MDFIC2: variants seen among roughly 807,000 people sequenced by gnomAD.
MDFIC2 encodes MyoD family inhibitor domain containing 2.
chr3:70,255,621 C>G lies in MDFIC2; in HGVS notation c.89-48831G>C, dbSNP rs554991855. 5.9e-5 allele frequency among the ~76,000 whole-genome samples: 9 copies of G among 152,212 alleles called. No homozygotes were observed. In the South Asian group the frequency reaches 1.9e-3, roughly 32 times the overall value. Reference sequence around the variant, plus strand: ...GGACTGCAGGCATGCACCACCAAGCCTGGCTATTTTTTTTTCCTGTGGAGG... The same window carrying G: ...GGACTGCAGGCATGCACCACCAAGCGTGGCTATTTTTTTTTCCTGTGGAGG... On this transcript the variant is annotated intron_variant, in intron 2 of 3. Transcript: ENST00000567252.
At chr3:70,226,475 C>A (rs932710003) in intron 2 of MDFIC2, among the ~76,000 whole-genome samples, 1 of 152,128 alleles carries the variant, frequency 6.6e-6, no homozygotes, top group African/African-American at 2.4e-5. Context: ...CAGTGGCTCA[C>A]GCCTGTAATC....
chr3:70,312,068 G>C, intron 1 of MDFIC2, 95 bp from the exon 2 acceptor site: 1 of 392,526 alleles, frequency 2.5e-6, no homozygotes, highest in Non-Finnish European at 4.5e-6. Context: ...CCATATTATG[G>C]GAAAATTTTA....
chr3:70,219,911 T>A, intron 2 of MDFIC2, among the ~76,000 whole-genome samples: 1 of 152,154 alleles, frequency 6.6e-6, no homozygotes, highest in East Asian at 1.9e-4. Context: ...ATAAGCGTTG[T>A]TCAAAGATGG....
rs1197844615 is a variant in MDFIC2 at position 70,264,205 on chromosome 3, G to A, written c.88+47681C>T. 2.0e-5 allele frequency among the ~76,000 whole-genome samples: 3 copies of A among 152,018 alleles called. No homozygotes were observed. The East Asian group carries it at 5.8e-4, about 29-fold the overall frequency. On this transcript the variant is annotated intron_variant, in intron 2 of 3. Transcript: ENST00000567252. ...TATACAGATGGTGTAAATAAAAATG[G>A]CAATGGCAATGACTTGAACATCTCT...
Position 70,225,556 on chromosome 3 carries a change from G to C in MDFIC2, c.89-18766C>G, listed in dbSNP as rs1019675905. Among the ~76,000 whole-genome samples the C allele has an allele frequency of 3.9e-5, 6 of 152,148 alleles. No individual in the cohort carries two copies. The East Asian group carries it at 1.2e-3, about 29-fold the overall frequency. On this transcript the variant is annotated intron_variant, in intron 2 of 3. Transcript: ENST00000567252. Reference sequence around the variant, plus strand: ...GGTGTGTCAAGAGTCAGTGTATACTGTTTATATTCTCCCTGCTTCAAAATC... The same window carrying C: ...GGTGTGTCAAGAGTCAGTGTATACTCTTTATATTCTCCCTGCTTCAAAATC...
At chr3:70,271,370 C>G (rs1430962352) in intron 2 of MDFIC2, among the ~76,000 whole-genome samples, 1 of 152,128 alleles carries the variant, frequency 6.6e-6, no homozygotes, top group African/African-American at 2.4e-5. Flanking sequence ...TTGGTGAGCT[C>G]ACTGGTGGAA....
chr3:70,246,146 A>G (rs1701706721), intron 2 of MDFIC2, among the ~76,000 whole-genome samples: 2 of 152,040 alleles, frequency 1.3e-5, no homozygotes, highest in South Asian at 4.1e-4. Context: ...GATGAACCGT[A>G]GCAACTATTT....
At chr3:70,221,807 T>C (rs572679931) in intron 2 of MDFIC2, among the ~76,000 whole-genome samples, 1 of 152,212 alleles carries the variant, frequency 6.6e-6, no homozygotes, top group South Asian at 2.1e-4. Flanking sequence ...GGTCTTGCCA[T>C]TTACAGGACA....
intron 3 of MDFIC2, 93 bp from the exon 4 acceptor site, chr3:70,197,278 C>A (rs1701191571): frequency 2.5e-6 from 1 of 397,492 alleles, no homozygotes; most frequent in African/African-American, 2.1e-5. Context: ...AACTTGATAG[C>A]CAACTCTTAA....
chr3:70,282,325 C>T (rs1373398371), intron 2 of MDFIC2, among the ~76,000 whole-genome samples: 5 of 152,182 alleles, frequency 3.3e-5, no homozygotes, highest in Non-Finnish European at 7.4e-5. Flanking sequence ...CACATGGAAT[C>T]TGATGTGCTC....
At chr3:70,203,188 G>C (rs1701258023) in intron 3 of MDFIC2, among the ~76,000 whole-genome samples, 1 of 152,006 alleles carries the variant, frequency 6.6e-6, no homozygotes, top group Admixed American at 6.6e-5. Context: ...AAAAAGAAAA[G>C]AGCCAGCATG....
chr3:70,269,596 C>T (rs1355123966), intron 2 of MDFIC2, among the ~76,000 whole-genome samples: 1 of 152,000 alleles, frequency 6.6e-6, no homozygotes, highest in African/African-American at 2.4e-5. Flanking sequence ...CAGGGGCTGC[C>T]CAGTTCTTGA....
intron 2 of MDFIC2, among the ~76,000 whole-genome samples, chr3:70,259,843 G>A (rs949004684): frequency 6.6e-6 from 1 of 152,126 alleles, no homozygotes; most frequent in African/African-American, 2.4e-5. Flanking sequence ...CAGCTGGGGA[G>A]GTCTCAGGAA....
chr3:70,217,288 T>A (rs927353231), intron 2 of MDFIC2, among the ~76,000 whole-genome samples: 1 of 152,186 alleles, frequency 6.6e-6, no homozygotes, highest in Non-Finnish European at 1.5e-5. Flanking sequence ...AGATAGTTTC[T>A]ATTTTTTGAT....
chr3:70,239,486 T>G (rs972947560), intron 2 of MDFIC2, among the ~76,000 whole-genome samples: 1 of 151,866 alleles, frequency 6.6e-6, no homozygotes, highest in East Asian at 1.9e-4. Context: ...CATGGTTTGA[T>G]CATTATTGTT....
At chr3:70,307,949 C>T (rs768562800) in intron 2 of MDFIC2, among the ~76,000 whole-genome samples, 1 of 152,220 alleles carries the variant, frequency 6.6e-6, no homozygotes, top group Non-Finnish European at 1.5e-5. Flanking sequence ...TGCATCACCT[C>T]CTTCTCTCCA....
At chr3:70,304,846 G>T (rs1702384880) in intron 2 of MDFIC2, among the ~76,000 whole-genome samples, 2 of 152,060 alleles carry the variant, frequency 1.3e-5, no homozygotes, top group Admixed American at 1.3e-4. Flanking sequence ...GACCAACAAG[G>T]TTCTGCATTA....
chr3:70,236,123 C>T (rs2106748659), intron 2 of MDFIC2, among the ~76,000 whole-genome samples: 1 of 152,318 alleles, frequency 6.6e-6, no homozygotes, highest in South Asian at 2.1e-4. Context: ...AACTTATTCT[C>T]TAATGACCTG....
intron 2 of MDFIC2, among the ~76,000 whole-genome samples, chr3:70,250,720 CT>C (rs1424007493): frequency 6.6e-6 from 1 of 152,046 alleles, no homozygotes; most frequent in African/African-American, 2.4e-5. Context: ...ACTGGCAATT[CT>C]TTTGTTTGTC....
Sources: allele counts gnomAD v4.1 joint callset (sites outside exome capture counted in the v4.1 genomes callset), GRCh38; gene constraint gnomAD v4.1.1; transcripts MANE v1.5; gene names NCBI Gene and HGNC (gene_info 2026-07-23, HGNC 2026-07-21).